TMC1: variants seen among roughly 807,000 people sequenced by gnomAD.
TMC1 encodes the protein transmembrane channel-like protein 1.
A neutral mutation model predicts 105.8 loss-of-function variants in TMC1; 84 were observed. That is an observed-to-expected ratio of 0.79 (90% CI 0.67 to 0.95). The LOEUF (loss-of-function observed/expected upper bound fraction) is 0.95. Ranked by LOEUF, TMC1 falls within the 40% of genes least tolerant of loss-of-function variation. The pLI is 0.00. For missense variants in TMC1, 817 were observed against 914.1 expected, an observed-to-expected ratio of 0.89 and a Z score of 1.37; for synonymous variants, 315 against 311.5, an observed-to-expected ratio of 1.01 and a Z score of -0.12.
chr9:72,580,619 A>G (rs1587971962), intron 2 of TMC1, among the ~76,000 whole-genome samples: 1 of 152,374 alleles, frequency 6.6e-6, no homozygotes, highest in Middle Eastern at 3.4e-3. Flanking sequence ...AAGCACATAC[A>G]CAGAGTTAAG....
At chr9:72,539,415 AC>A (rs1823640103) in intron 1 of TMC1, among the ~76,000 whole-genome samples, 1 of 152,036 alleles carries the variant, frequency 6.6e-6, no homozygotes, top group Non-Finnish European at 1.5e-5. Context: ...CAAAAACAAA[AC>A]AAAACAAAAC....
chr9:72,669,308 A>G (rs1001949185), intron 5 of TMC1, among the ~76,000 whole-genome samples: 1 of 152,176 alleles, frequency 6.6e-6, no homozygotes, highest in Non-Finnish European at 1.5e-5. Flanking sequence ...GACTCTATCT[A>G]AAGAAAAAAA....
rs952994505 is a variant in TMC1 at position 72,572,596 on chromosome 9, T to C, written c.-427-5306T>C. Among the ~76,000 whole-genome samples, 7 of 152,316 alleles carry C rather than the reference T, an allele frequency of 4.6e-5. No homozygotes were observed. In the South Asian group the frequency reaches 1.4e-3, roughly 32 times the overall value. On this transcript the variant is annotated intron_variant, in intron 1 of 23. Coordinates refer to ENST00000297784, the MANE Select transcript of TMC1 (RefSeq NM_138691.3). ...GTCAACCATGCTAGGCATTGACAAA[T>C]GGCTTCCTAAAGGGGTAATACCTGT... is the stretch of plus-strand genomic sequence containing the variant.
chr9:72,716,603 G>A (rs887643689), intron 8 of TMC1, among the ~76,000 whole-genome samples: 7 of 152,230 alleles, frequency 4.6e-5, no homozygotes, highest in East Asian at 1.9e-4. Flanking sequence ...AATGGCAGAC[G>A]TCCCTCCCCC....
At chr9:72,702,333 G>T (rs1826659623) in intron 8 of TMC1, among the ~76,000 whole-genome samples, 1 of 152,130 alleles carries the variant, frequency 6.6e-6, no homozygotes, top group Non-Finnish European at 1.5e-5. Flanking sequence ...GGATCGTGGA[G>T]GAGACAGCAG....
chr9:72,653,609 A>T (rs528698931), intron 5 of TMC1, among the ~76,000 whole-genome samples: 1 of 152,352 alleles, frequency 6.6e-6, no homozygotes, highest in South Asian at 2.1e-4. Flanking sequence ...TTTTAAAATC[A>T]GCCTTAGTAT....
intron 5 of TMC1, among the ~76,000 whole-genome samples, chr9:72,670,303 C>T (rs1294006886): frequency 6.6e-6 from 1 of 152,092 alleles, no homozygotes; most frequent in Non-Finnish European, 1.5e-5. Flanking sequence ...AGGTAGAGTA[C>T]TTAGAAGGGT....
intron 1 of TMC1, among the ~76,000 whole-genome samples, chr9:72,527,917 T>C (rs1220094774): frequency 6.6e-6 from 1 of 152,200 alleles, no homozygotes; most frequent in African/African-American, 2.4e-5. Flanking sequence ...CTCTAAGATC[T>C]GAGAAGGAGC....
intron 7 of TMC1, among the ~76,000 whole-genome samples, chr9:72,698,802 G>A (rs916924315): frequency 6.6e-6 from 1 of 152,186 alleles, no homozygotes. Context: ...GCTGGTTTCT[G>A]TGGGAGAGGT....
At chr9:72,779,780 A>G (rs1828062568) in intron 13 of TMC1, among the ~76,000 whole-genome samples, 1 of 152,192 alleles carries the variant, frequency 6.6e-6, no homozygotes, top group African/African-American at 2.4e-5. Flanking sequence ...GACCAATCCT[A>G]TGACTCACTG....
intron 5 of TMC1, among the ~76,000 whole-genome samples, chr9:72,655,046 G>A (rs1016802130): frequency 1.3e-5 from 2 of 152,124 alleles, no homozygotes; most frequent in African/African-American, 4.8e-5. Flanking sequence ...TCAAGGGTGG[G>A]ACCAGGTGGA....
chr9:72,741,302 A>G (rs944865718), intron 9 of TMC1: 3 of 314,476 alleles, frequency 9.5e-6, no homozygotes, highest in Non-Finnish European at 1.8e-5. Flanking sequence ...CATCCACCTT[A>G]TAGTATTTCA....
At chr9:72,627,660 C>G (rs967598147) in intron 3 of TMC1, among the ~76,000 whole-genome samples, 1 of 151,548 alleles carries the variant, frequency 6.6e-6, no homozygotes, top group Non-Finnish European at 1.5e-5. Flanking sequence ...TCAAATGTCA[C>G]TTCCAAATGA....
chr9:72,808,562 C>T (rs1316206572), intron 18 of TMC1, among the ~76,000 whole-genome samples: 3 of 152,186 alleles, frequency 2.0e-5, no homozygotes, highest in African/African-American at 4.8e-5. Context: ...AAAATAGAGG[C>T]CCTGACCTCT....
chr9:72,837,737 AG>A lies in TMC1; in HGVS notation c.*1765del, dbSNP rs1318356253. 2.0e-5 allele frequency: 3 copies of A among 152,186 alleles called. No homozygotes were observed. 9.4% of individuals were successfully genotyped at this position (152,186 alleles called of 1,614,324 possible). ...AGCCAATTTGCTTGCCATTCCCTGC[AG>A]TTGACTTACTGATTTCTATTATCCT... On this transcript the variant is annotated 3_prime_UTR_variant, in exon 24 of 24. Coordinates refer to ENST00000297784, the MANE Select transcript of TMC1 (RefSeq NM_138691.3).
chr9:72,683,249 C>G (rs2589622), intron 5 of TMC1, among the ~76,000 whole-genome samples: 34,669 of 151,840 alleles, frequency 0.23, 4,224 homozygotes, highest in East Asian at 0.38. Context: ...TAATTTTACT[C>G]ATTCCTTTTG....
intron 4 of TMC1, among the ~76,000 whole-genome samples, chr9:72,632,261 A>G (rs1019197249): frequency 6.6e-5 from 10 of 152,158 alleles, no homozygotes; most frequent in Non-Finnish European, 1.0e-4. Flanking sequence ...AACTCAGAGT[A>G]AGAACTCACT....
At chr9:72,587,068 T>C (rs1824565116) in intron 2 of TMC1, among the ~76,000 whole-genome samples, 1 of 152,168 alleles carries the variant, frequency 6.6e-6, no homozygotes, top group African/African-American at 2.4e-5. Flanking sequence ...CTGAACATTT[T>C]ACAATGCCCA....
At chr9:72,721,564 G>A (rs775364187) in intron 8 of TMC1, among the ~76,000 whole-genome samples, 2 of 151,976 alleles carry the variant, frequency 1.3e-5, no homozygotes, top group South Asian at 2.1e-4. Context: ...AACTTACGAG[G>A]GTTCAGAAAA....
Sources: gnomAD v4.1 joint callset for allele counts (sites outside exome capture counted in the v4.1 genomes callset) on GRCh38, gnomAD v4.1.1 for gene constraint, MANE v1.5 for transcripts, NCBI Gene and HGNC (gene_info 2026-07-23, HGNC 2026-07-21) for gene names.